Variants in TENM2 observed in about 807,000 individuals in gnomAD.
The protein encoded by TENM2 is teneurin-2.
In TENM2, 52 loss-of-function variants were observed where a neutral mutation model predicts 245.2. That is an observed-to-expected ratio of 0.21 (90% CI 0.17 to 0.27). TENM2 has a LOEUF of 0.27. TENM2 is among the 10% of genes least tolerant of loss of function. The probability of loss-of-function intolerance (pLI) is 1.00; values close to 1 mark genes in which losing one functional copy is unlikely to be tolerated. For missense variants in TENM2, 3,046 were observed against 3,666.8 expected, an observed-to-expected ratio of 0.83 and a Z score of 4.37; for synonymous variants, 1,363 against 1,438.9, an observed-to-expected ratio of 0.95 and a Z score of 1.19.
the TENM2 span, among the ~76,000 whole-genome samples, chr5:167,220,212 C>CTCTT: frequency 5.3e-5 from 8 of 152,068 alleles, no homozygotes; most frequent in Non-Finnish European, 1.2e-4. Flanking sequence ...AAGAGGTATC[C>CTCTT]TCTTGGGAGG....
At chr5:168,207,781 C>T (rs1762481741) in intron 19 of TENM2, among the ~76,000 whole-genome samples, 1 of 152,146 alleles carries the variant, frequency 6.6e-6, no homozygotes, top group Non-Finnish European at 1.5e-5. Flanking sequence ...GAATTGGGAT[C>T]CTATTGAAAT....
intron 2 of TENM2, among the ~76,000 whole-genome samples, chr5:167,585,360 AG>A (rs1775413692): frequency 1.3e-5 from 2 of 152,216 alleles, no homozygotes; most frequent in Admixed American, 1.3e-4. Context: ...GATGTTTACA[AG>A]ATTTTGAACC....
chr5:168,152,469 C>A (rs1420164193), intron 12 of TENM2, among the ~76,000 whole-genome samples: 3 of 152,152 alleles, frequency 2.0e-5, no homozygotes, highest in African/African-American at 7.2e-5. Flanking sequence ...GCCCACAGGC[C>A]TCCTCGGTGT....
intron 2 of TENM2, among the ~76,000 whole-genome samples, chr5:167,478,051 G>A (rs533967720): frequency 5.3e-4 from 80 of 152,288 alleles, no homozygotes; most frequent in Middle Eastern, 3.4e-3. Flanking sequence ...GAATGCTGTT[G>A]CATTAAATAT....
chr5:168,047,104 CTT>C (rs1449062504), intron 5 of TENM2, among the ~76,000 whole-genome samples: 14 of 152,132 alleles, frequency 9.2e-5, no homozygotes, highest in Admixed American at 7.9e-4. Flanking sequence ...GAGCAGCACT[CTT>C]TACAGTGATT....
At chr5:167,175,869 A>C in the TENM2 span, among the ~76,000 whole-genome samples, 3 of 152,072 alleles carry the variant, frequency 2.0e-5, no homozygotes. Context: ...GCCGTGACAC[A>C]CGGCTGATTT....
At chr5:167,112,203 C>T in the TENM2 span, among the ~76,000 whole-genome samples, 2 of 152,190 alleles carry the variant, frequency 1.3e-5, no homozygotes, top group African/African-American at 4.8e-5. Flanking sequence ...CCCAAAAAAT[C>T]ATTCAGGTAA....
intron 2 of TENM2, among the ~76,000 whole-genome samples, chr5:167,492,355 T>G (rs1768485117): frequency 6.6e-6 from 1 of 152,110 alleles, no homozygotes; most frequent in Non-Finnish European, 1.5e-5. Flanking sequence ...GTCTATACAA[T>G]GACATTATTA....
the TENM2 span, among the ~76,000 whole-genome samples, chr5:167,180,196 G>A: frequency 2.1e-5 from 3 of 143,430 alleles, no homozygotes. Context: ...CACAACGTCC[G>A]CCTCCCGGAT....
At chr5:167,618,919 C>G (rs1389427428) in intron 2 of TENM2, among the ~76,000 whole-genome samples, 1 of 152,052 alleles carries the variant, frequency 6.6e-6, no homozygotes, top group African/African-American at 2.4e-5. Context: ...TTAGGCAGTT[C>G]AGGTAAATGA....
At chr5:167,222,121 G>A in the TENM2 span, among the ~76,000 whole-genome samples, 1 of 152,218 alleles carries the variant, frequency 6.6e-6, no homozygotes. Flanking sequence ...ACTTTTTTCA[G>A]TTGCCACTAG....
intron 27 of TENM2, among the ~76,000 whole-genome samples, chr5:168,254,651 G>A (rs1767480357): frequency 6.6e-6 from 1 of 152,210 alleles, no homozygotes. Flanking sequence ...CACAGAGGCA[G>A]GAGGGCTCTT....
chr5:166,983,823 T>C, the TENM2 span, among the ~76,000 whole-genome samples: 1 of 152,100 alleles, frequency 6.6e-6, no homozygotes, highest in Non-Finnish European at 1.5e-5. Context: ...TTGAGTCACT[T>C]GGATATTTGT....
At chr5:167,859,746 C>A (rs1771534289) in intron 2 of TENM2, among the ~76,000 whole-genome samples, 1 of 99,404 alleles carries the variant, frequency 1.0e-5, no homozygotes, top group South Asian at 4.2e-4. Flanking sequence ...GGGATCAGCC[C>A]CCCGCCCGGC....
chr5:167,834,728 C>T (rs73388370), intron 2 of TENM2, among the ~76,000 whole-genome samples: 27,510 of 150,806 alleles, frequency 0.18, 3,811 homozygotes, highest in East Asian at 0.68. Flanking sequence ...CGGCTCACTG[C>T]AAGCTCCGCC....
chr5:167,657,630 G>A (rs755716571), intron 2 of TENM2, among the ~76,000 whole-genome samples: 14 of 152,268 alleles, frequency 9.2e-5, no homozygotes, highest in South Asian at 2.1e-4. Context: ...GTGGGCCAAC[G>A]TTTTCTGTAA....
chr5:167,747,914 G>T (rs1001694917), intron 2 of TENM2, among the ~76,000 whole-genome samples: 6 of 151,732 alleles, frequency 4.0e-5, no homozygotes, highest in African/African-American at 1.2e-4. Flanking sequence ...TCAATTCTTT[G>T]CACAGTTTCT....
intron 2 of TENM2, among the ~76,000 whole-genome samples, chr5:167,610,898 A>G (rs918486193): frequency 7.2e-5 from 11 of 152,156 alleles, no homozygotes; most frequent in Non-Finnish European, 1.0e-4. Flanking sequence ...CTGATTCAAA[A>G]GGAGACAGTC....
chr5:167,844,746 C>A (rs1769869331), intron 2 of TENM2, among the ~76,000 whole-genome samples: 1 of 151,342 alleles, frequency 6.6e-6, no homozygotes, highest in African/African-American at 2.4e-5. Context: ...TGCCATGATT[C>A]TCTTCTGCCG....
Sources: gnomAD v4.1 joint callset for allele counts (sites outside exome capture counted in the v4.1 genomes callset) on GRCh38, gnomAD v4.1.1 for gene constraint, MANE v1.5 for transcripts, NCBI Gene and HGNC (gene_info 2026-07-23, HGNC 2026-07-21) for gene names.